Variants in MAD1L1 observed in about 807,000 individuals in gnomAD.
The protein encoded by MAD1L1 is mitotic spindle assembly checkpoint protein MAD1.
A neutral mutation model predicts 96.9 loss-of-function variants in MAD1L1; 95 were observed. The observed-to-expected ratio is 0.98, with a 90% CI of 0.83 to 1.16. MAD1L1 has a LOEUF of 1.16. MAD1L1 is among the 50% of genes most tolerant of loss of function. The pLI, the probability that MAD1L1 is intolerant of heterozygous loss-of-function variation, is 0.00. For synonymous variants in MAD1L1, 473 were observed against 396.6 expected (o/e 1.19, Z -2.29); for missense variants, 1,007 against 954.4 (o/e 1.06, Z -0.73).
intron 12 of MAD1L1, among the ~76,000 whole-genome samples, chr7:2,047,179 T>C (rs10235664): frequency 0.36 from 55,019 of 152,058 alleles, 11,063 homozygotes; most frequent in African/African-American, 0.54. Context: ...CCAGGGCTGC[T>C]GATGAGCTGA....
chr7:2,131,515 C>T (rs1788508673), intron 11 of MAD1L1, among the ~76,000 whole-genome samples: 3 of 152,214 alleles, frequency 2.0e-5, no homozygotes, highest in South Asian at 2.1e-4. Flanking sequence ...AAATTCAAAG[C>T]GCTGCTTCTG....
intron 12 of MAD1L1, among the ~76,000 whole-genome samples, chr7:2,017,642 G>C (rs752976588): frequency 6.6e-6 from 1 of 152,334 alleles, no homozygotes; most frequent in East Asian, 1.9e-4. Flanking sequence ...AGGGAACAGC[G>C]TTGAGTAGGC....
At chr7:2,197,674 C>T (rs1416743505) in intron 10 of MAD1L1, among the ~76,000 whole-genome samples, 2 of 152,192 alleles carry the variant, frequency 1.3e-5, no homozygotes, top group African/African-American at 4.8e-5. Flanking sequence ...CAGACTCGGG[C>T]CAGCTGTCTG....
At chr7:2,090,417 T>C (rs1786149587) in intron 11 of MAD1L1, among the ~76,000 whole-genome samples, 1 of 152,146 alleles carries the variant, frequency 6.6e-6, no homozygotes, top group Admixed American at 6.5e-5. Context: ...AACGACTAGG[T>C]GTACAGAAAA....
At chr7:1,842,503 G>A (rs1783325503) in intron 18 of MAD1L1, among the ~76,000 whole-genome samples, 1 of 152,262 alleles carries the variant, frequency 6.6e-6, no homozygotes, top group African/African-American at 2.4e-5. Flanking sequence ...CCCTTCCGGC[G>A]CATGCCTGCC....
intron 15 of MAD1L1, among the ~76,000 whole-genome samples, chr7:1,976,134 T>C (rs1780626652): frequency 6.6e-6 from 1 of 152,178 alleles, no homozygotes; most frequent in Admixed American, 6.5e-5. Flanking sequence ...AAAATGTGAG[T>C]GTGCATCTGG....
rs531488146 is a variant in MAD1L1, at chr7:2,138,013, G to A, written c.1073+11139C>T. Among the ~76,000 whole-genome samples the A allele has an allele frequency of 3.3e-5, 5 of 152,322 alleles. No homozygotes were observed. In the East Asian group the frequency reaches 5.8e-4, roughly 18 times the overall value. On this transcript the variant is annotated intron_variant, in intron 11 of 18. Coordinates refer to ENST00000265854, the MANE Select transcript of MAD1L1 (RefSeq NM_001013836.2). The stretch of plus-strand genomic sequence containing the variant: ...TGATGGCAGCTGAAGTTCACAGGGC[G>A]TTTCTGTACTGACAGCGCGGGCCAG...
chr7:2,186,934 C>T (rs2128604410), intron 10 of MAD1L1, among the ~76,000 whole-genome samples: 1 of 152,108 alleles, frequency 6.6e-6, no homozygotes, highest in African/African-American at 2.4e-5. Context: ...GCTGGGATTA[C>T]AGGCATGCGC....
chr7:2,076,924 C>T (rs1282372483), intron 11 of MAD1L1, among the ~76,000 whole-genome samples: 1 of 146,932 alleles, frequency 6.8e-6, no homozygotes, highest in Non-Finnish European at 1.5e-5. Flanking sequence ...ACAGCATGGT[C>T]AGCCCGAGAC....
rs976027470 is a variant in MAD1L1 at position 1,983,154 on chromosome 7, GCACACACACACA to G, written c.1417-2625_1417-2614del. Among the ~76,000 whole-genome samples the G allele has an allele frequency of 1.0e-3, 32 of 31,460 alleles. 1 individual carries two copies. The highest frequency in any genetic ancestry group is 3.8e-3 in the African/African-American group (29 of 7,728). The allele number at this position is 31,460 out of a possible 152,430, so 20.6% of individuals were successfully genotyped here. On this transcript the variant is annotated intron_variant, in intron 14 of 18. Transcript: ENST00000265854. ...CAGACGCGCGCGCGCGCGCGCGCGC[GCACACACACACA>G]CACACACACACACACACACACAGGC...
In MAD1L1 at chr7:1,887,579, CTGTG is replaced by C. The variant is rs759733594; in HGVS notation, c.1998+10617_1998+10620del. On this transcript the variant is annotated intron_variant, in intron 18 of 18. Transcript: ENST00000265854. ...TGCAAGCATGCGTGTATGTGGCTGC[CTGTG>C]TGTGTGACCATGCATGCGTGTATGT... Among the ~76,000 whole-genome samples the C allele has an allele frequency of 2.1e-3, 256 of 122,210 alleles. 5 individuals carry two copies. Among genetic ancestry groups the C allele is most frequent in the Non-Finnish European group, 6.3e-4 (37 of 59,168 alleles). 80.2% of individuals were successfully genotyped at this position (122,210 alleles called of 152,430 possible).
intron 18 of MAD1L1, among the ~76,000 whole-genome samples, chr7:1,833,132 A>G (rs1017549644): frequency 3.3e-5 from 5 of 152,274 alleles, no homozygotes; most frequent in Non-Finnish European, 5.9e-5. Flanking sequence ...TTTTAAAGAC[A>G]TAATGCTATT....
intron 10 of MAD1L1, among the ~76,000 whole-genome samples, chr7:2,168,473 C>G (rs1254390738): frequency 6.6e-6 from 1 of 152,228 alleles, no homozygotes; most frequent in Non-Finnish European, 1.5e-5. Flanking sequence ...TCTAGAAAGG[C>G]AACAGCCATG....
At chr7:1,976,340 T>A (rs935504529) in intron 15 of MAD1L1, among the ~76,000 whole-genome samples, 2 of 152,174 alleles carry the variant, frequency 1.3e-5, no homozygotes, top group Non-Finnish European at 2.9e-5. Flanking sequence ...ATGTTCGGAG[T>A]TTCTTTCTTC....
At chr7:2,197,875 G>A (rs1214798633) in intron 10 of MAD1L1, among the ~76,000 whole-genome samples, 1 of 152,074 alleles carries the variant, frequency 6.6e-6, no homozygotes, top group Non-Finnish European at 1.5e-5. Context: ...CTGCCTGAGA[G>A]CCAAAACTGG....
intron 14 of MAD1L1, among the ~76,000 whole-genome samples, chr7:1,984,401 A>G (rs181060942): frequency 1.0e-3 from 157 of 152,282 alleles, no homozygotes; most frequent in African/African-American, 3.6e-3. Flanking sequence ...ATATTCTCTA[A>G]TTTGGGGGAT....
intron 11 of MAD1L1, among the ~76,000 whole-genome samples, chr7:2,104,758 AG>A (rs1787000210): frequency 6.6e-6 from 1 of 152,120 alleles, no homozygotes; most frequent in East Asian, 1.9e-4. Flanking sequence ...TTGCCATGAA[AG>A]ACCTCACTGC....
rs375791836 is a variant in MAD1L1 at position 2,141,265 on chromosome 7, C to A, written c.1073+7887G>T. On this transcript the variant is annotated intron_variant, in intron 11 of 18. Coordinates refer to ENST00000265854, the MANE Select transcript of MAD1L1 (RefSeq NM_001013836.2). The stretch of plus-strand genomic sequence containing the variant: ...GCCCCACTGCGGAGGCCCCTCCAAG[C>A]AGGCAGACACCGCGTGCTGCGGGGC... Among the ~76,000 whole-genome samples, 11 of 152,384 alleles carry A rather than the reference C, an allele frequency of 7.2e-5. No homozygotes were observed. The East Asian group carries it at 7.7e-4, about 11-fold the overall frequency.
intron 11 of MAD1L1, among the ~76,000 whole-genome samples, chr7:2,141,503 C>T (rs1024971814): frequency 6.6e-6 from 1 of 152,152 alleles, no homozygotes; most frequent in Admixed American, 6.5e-5. Context: ...GGGTCTATGT[C>T]CCCCAACCCG....
Sources: gnomAD v4.1 joint callset for allele counts (sites outside exome capture counted in the v4.1 genomes callset) on GRCh38, gnomAD v4.1.1 for gene constraint, MANE v1.5 for transcripts, NCBI Gene and HGNC (gene_info 2026-07-23, HGNC 2026-07-21) for gene names.